The following TEX11 variants were observed in gnomAD, a reference collection of about 807,000 sequenced individuals.
The protein encoded by TEX11 is testis expressed 11.
TEX11 carries 7 observed loss-of-function variants against 84.4 expected under a neutral mutation model. The ratio of observed to expected loss-of-function variants is 0.08; its 90% confidence interval spans 0.05 to 0.16. The LOEUF is 0.16. TEX11 is among the 10% of genes least tolerant of loss of function. The pLI, the probability that TEX11 is intolerant of heterozygous loss-of-function variation, is 1.00. For missense variants in TEX11, 551 were observed against 660.5 expected, an observed-to-expected ratio of 0.83 and a Z score of 1.82; for synonymous variants, 264 against 222.8, an observed-to-expected ratio of 1.18 and a Z score of -1.64.
intron 25 of TEX11, among the ~76,000 whole-genome samples, chrX:70,580,999 T>C (rs933614122): frequency 9.0e-6 from 1 of 111,305 alleles, no homozygotes; most frequent in Non-Finnish European, 1.9e-5. Context: ...TGTTTTTGTT[T>C]TTGTTTTGTT....
At chrX:70,668,443 T>C (rs1276546602) in intron 16 of TEX11, among the ~76,000 whole-genome samples, 3 of 112,113 alleles carry the variant, frequency 2.7e-5, no homozygotes, top group African/African-American at 9.7e-5. Flanking sequence ...AGGATATTCA[T>C]TGTATATGGA....
chrX:70,655,721 T>C (rs979218155), intron 16 of TEX11, among the ~76,000 whole-genome samples: 4 of 111,458 alleles, frequency 3.6e-5, no homozygotes, highest in Admixed American at 9.6e-5. Flanking sequence ...AGAGAGAGCA[T>C]AGCTTTATCG....
intron 11 of TEX11, among the ~76,000 whole-genome samples, chrX:70,726,599 C>T (rs1286915544): frequency 9.0e-6 from 1 of 110,842 alleles, no homozygotes; most frequent in East Asian, 2.8e-4. Flanking sequence ...GGCACAATCT[C>T]GGCTCACTGC....
chrX:70,604,268 GTTA>G (rs2089169778), intron 24 of TEX11, among the ~76,000 whole-genome samples: 2 of 111,605 alleles, frequency 1.8e-5, no homozygotes, highest in African/African-American at 3.3e-5. Flanking sequence ...AAAATAAGAT[GTTA>G]TTATTATTTT....
chrX:70,861,503 C>T lies in TEX11; in HGVS notation c.245-567G>A, dbSNP rs921065750. Among the ~76,000 whole-genome samples the T allele has an allele frequency of 5.4e-5, 6 of 110,672 alleles. 1 individual carries two copies. Among genetic ancestry groups the T allele is most frequent in the South Asian group, 3.9e-4 (1 of 2,548 alleles). On this transcript the variant is annotated intron_variant, in intron 4 of 29. Coordinates refer to ENST00000374333, the MANE Select transcript of TEX11 (RefSeq NM_031276.3). ...TTTTTGAGATGGAGTCTCACTCTGT[C>T]GCCCAGGATGGAGTGCAGTGACGCA... is the stretch of plus-strand genomic sequence containing the variant.
intron 13 of TEX11, among the ~76,000 whole-genome samples, chrX:70,714,150 TGA>T: frequency 8.9e-6 from 1 of 111,868 alleles, no homozygotes; most frequent in African/African-American, 3.2e-5. Flanking sequence ...CACTGTGGTC[TGA>T]GAGACAGTTT....
chrX:70,884,185 C>T (rs1162031158), intron 2 of TEX11, among the ~76,000 whole-genome samples: 1 of 112,550 alleles, frequency 8.9e-6, no homozygotes, highest in South Asian at 3.6e-4. Context: ...GATGTGGAAA[C>T]TAAGTTTTAA....
chrX:70,875,362 G>A (rs1368316697), intron 3 of TEX11, among the ~76,000 whole-genome samples: 1 of 110,179 alleles, frequency 9.1e-6, no homozygotes, highest in Non-Finnish European at 1.9e-5. Flanking sequence ...GGAACAATAT[G>A]AGAAACAATA....
At position 70,647,676 on chromosome X, in the gene TEX11, A is replaced by T. The variant is rs780125345; in HGVS notation, c.1483+3774T>A. ...GTAAGACCTTGCTTCAAAAAAATAA[A>T]AAATAAAAAAAGGATGTGAGGTAAT... On this transcript the variant is annotated intron_variant, in intron 17 of 29. Coordinates refer to ENST00000374333, the MANE Select transcript of TEX11 (RefSeq NM_031276.3). Among the ~76,000 whole-genome samples, 1,073 of 111,211 alleles carry T rather than the reference A, an allele frequency of 9.6e-3. 35 individuals carry two copies. The highest frequency in any genetic ancestry group is 0.095 in the Admixed American group (996 of 10,430).
rs1198153830 is a variant in TEX11, at chrX:70,811,210, G to A, written c.607-4420C>T. On this transcript the variant is annotated intron_variant, in intron 8 of 29. Coordinates refer to ENST00000374333, the MANE Select transcript of TEX11 (RefSeq NM_031276.3). ...CCCACAACAGGCCCCAGCGTCTGAT[G>A]TTCCCCTTCCTGTGTCCAAGTGTTC... Among the ~76,000 whole-genome samples, 3 of 101,149 alleles carry A rather than the reference G, an allele frequency of 3.0e-5. No individual in the cohort carries two copies. The East Asian group carries it at 1.0e-3, about 34-fold the overall frequency. The allele number at this position is 101,149 out of a possible 115,157, so 87.8% of individuals were successfully genotyped here. A position where few individuals can be genotyped will look rare whatever the true frequency, so the allele number is the denominator to read the frequency against.
At chrX:70,589,790 G>C (rs1375353896) in intron 25 of TEX11, among the ~76,000 whole-genome samples, 1 of 112,047 alleles carries the variant, frequency 8.9e-6, no homozygotes. Flanking sequence ...CCAAAGTACT[G>C]GGATTACAGG....
chrX:70,518,602 G>A, the TEX11 span, among the ~76,000 whole-genome samples: 3 of 112,118 alleles, frequency 2.7e-5, no homozygotes, highest in African/African-American at 9.7e-5. Flanking sequence ...ATATTCTGTT[G>A]ATTTGGGGTG....
At chrX:70,887,885 C>T (rs1490560304) in intron 2 of TEX11, among the ~76,000 whole-genome samples, 1 of 106,442 alleles carries the variant, frequency 9.4e-6, no homozygotes, top group East Asian at 3.4e-4. Flanking sequence ...GCTTCCAGAA[C>T]AGAGAGGGAG....
intron 7 of TEX11, among the ~76,000 whole-genome samples, chrX:70,852,233 C>A (rs1308848092): frequency 8.9e-6 from 1 of 111,867 alleles, no homozygotes; most frequent in Non-Finnish European, 1.9e-5. Context: ...GCTCTGTCAC[C>A]CAGGCTGGAG....
rs139139725 is a variant in TEX11 at position 70,577,030 on chromosome X, C to A, written c.2140+14721G>T. On this transcript the variant is annotated intron_variant, in intron 25 of 29. Coordinates refer to ENST00000374333, the MANE Select transcript of TEX11 (RefSeq NM_031276.3). The stretch of plus-strand genomic sequence containing the variant: ...AGAAGCCCATAGCTGCCTATATCCA[C>A]TGGCTGAGAAGATGTAGAGCCTACA... Among the ~76,000 whole-genome samples, 404 of 111,779 alleles carry A rather than the reference C, an allele frequency of 3.6e-3. 2 individuals carry two copies. Among genetic ancestry groups the A allele is most frequent in the Non-Finnish European group, 6.6e-3 (350 of 53,181 alleles).
chrX:70,516,615 G>A, the TEX11 span, among the ~76,000 whole-genome samples: 1 of 111,263 alleles, frequency 9.0e-6, no homozygotes, highest in Non-Finnish European at 1.9e-5. Flanking sequence ...CTCTTTTTTG[G>A]TTCCATATGA....
intron 2 of TEX11, among the ~76,000 whole-genome samples, chrX:70,882,997 C>T (rs776833561): frequency 6.0e-4 from 67 of 112,051 alleles, no homozygotes; most frequent in African/African-American, 2.2e-3. Context: ...CCAGCTGAGG[C>T]AATGACAGCA....
intron 9 of TEX11, among the ~76,000 whole-genome samples, chrX:70,798,910 G>A (rs1333973834): frequency 9.0e-6 from 1 of 111,094 alleles, no homozygotes; most frequent in East Asian, 2.8e-4. Flanking sequence ...CTGGGGGAAA[G>A]CTTATTGATA....
In TEX11 at chrX:70,784,308, A is replaced by G. The variant is rs773581846; in HGVS notation, c.692+22397T>C. 3.6e-5 allele frequency among the ~76,000 whole-genome samples: 4 copies of G among 111,642 alleles called. No homozygotes were observed. In the South Asian group the frequency reaches 1.5e-3, roughly 42 times the overall value. On this transcript the variant is annotated intron_variant, in intron 9 of 29. Coordinates refer to ENST00000374333, the MANE Select transcript of TEX11 (RefSeq NM_031276.3). Reference sequence around the variant, plus strand: ...TCATGCTAAAAACTCTCAATAAACTAGGTATTGATGGAACGTATCTCAAAA... The same window carrying G: ...TCATGCTAAAAACTCTCAATAAACTGGGTATTGATGGAACGTATCTCAAAA...
Sources: allele counts gnomAD v4.1 joint callset (sites outside exome capture counted in the v4.1 genomes callset), GRCh38; gene constraint gnomAD v4.1.1; transcripts MANE v1.5; gene names NCBI Gene and HGNC (gene_info 2026-07-23, HGNC 2026-07-21).